Variants in EYS observed in about 807,000 individuals in gnomAD.
EYS encodes the protein protein eyes shut homolog.
In EYS, 250 loss-of-function variants were observed where a neutral mutation model predicts 282.1. That is an observed-to-expected ratio of 0.89 (90% CI 0.80 to 0.98). The LOEUF is 0.98. EYS is among the 50% of genes least tolerant of loss of function. The pLI is 0.00. For missense variants in EYS, 4,016 were observed against 3,709.0 expected, an observed-to-expected ratio of 1.08 and a Z score of -2.15; for synonymous variants, 1,355 against 1,282.9, an observed-to-expected ratio of 1.06 and a Z score of -1.20.
chr6:65,217,112 G>A (rs752092252), intron 12 of EYS, among the ~76,000 whole-genome samples: 30 of 152,112 alleles, frequency 2.0e-4, no homozygotes, highest in Non-Finnish European at 3.1e-4. Flanking sequence ...TAGTGTATCC[G>A]ATCAGGAGAT....
chr6:63,779,618 T>A (rs547027465), intron 39 of EYS, among the ~76,000 whole-genome samples: 253 of 152,282 alleles, frequency 1.7e-3, no homozygotes, highest in African/African-American at 5.8e-3. Flanking sequence ...ACTTATAGTT[T>A]ATTTGCAAAG....
chr6:64,537,262 G>T (rs999761949), intron 26 of EYS, among the ~76,000 whole-genome samples: 10 of 145,764 alleles, frequency 6.9e-5, no homozygotes, highest in Non-Finnish European at 1.5e-4. Flanking sequence ...GCGGTGTTTG[G>T]TTTTTTGTTC....
intron 26 of EYS, among the ~76,000 whole-genome samples, chr6:64,508,551 TTTA>T (rs34222008): frequency 0.037 from 5,265 of 142,430 alleles, 112 homozygotes; most frequent in East Asian, 0.048. Flanking sequence ...TTTCTAAGTA[TTTA>T]TTATTATTAT....
intron 19 of EYS, among the ~76,000 whole-genome samples, chr6:64,872,039 G>A (rs1360984678): frequency 6.6e-6 from 1 of 151,988 alleles, no homozygotes; most frequent in Non-Finnish European, 1.5e-5. Context: ...ATTAAAGATG[G>A]AGAATCTTGT....
intron 37 of EYS, among the ~76,000 whole-genome samples, chr6:63,789,821 C>G (rs1006755356): frequency 6.6e-6 from 1 of 152,130 alleles, no homozygotes; most frequent in Non-Finnish European, 1.5e-5. Context: ...GTTCCAGGAC[C>G]CAGAACACTC....
At chr6:64,074,206 G>T (rs1178279064) in intron 32 of EYS, among the ~76,000 whole-genome samples, 4 of 151,704 alleles carry the variant, frequency 2.6e-5, no homozygotes, top group African/African-American at 7.2e-5. Context: ...GCATAAAAGT[G>T]CTGCTTAGAA....
chr6:65,667,537 C>G (rs1025978475), intron 1 of EYS, among the ~76,000 whole-genome samples: 1 of 151,834 alleles, frequency 6.6e-6, no homozygotes, highest in Non-Finnish European at 1.5e-5. Context: ...AGTGACGCCT[C>G]TTTTCAGAGG....
At chr6:63,950,254 C>G (rs1307933981) in intron 35 of EYS, among the ~76,000 whole-genome samples, 1 of 150,030 alleles carries the variant, frequency 6.7e-6, no homozygotes, top group African/African-American at 2.4e-5. Context: ...CAAGCCTGCA[C>G]ACAGATGTCC....
intron 22 of EYS, among the ~76,000 whole-genome samples, chr6:64,789,261 C>T (rs906894056): frequency 1.3e-5 from 2 of 152,158 alleles, no homozygotes; most frequent in Non-Finnish European, 2.9e-5. Flanking sequence ...TTCTAAACTG[C>T]TTCGTAATGC....
rs1490884549 is a variant in EYS, at chr6:65,690,498, C to A, written c.-448+16637G>T. ...TAGGAATCTTGGTGATGTGAAACCT[C>A]CCTGACTGCACGTCCATTCATAGGC... On this transcript the variant is annotated intron_variant, in intron 1 of 42. Coordinates refer to ENST00000503581, the MANE Select transcript of EYS (RefSeq NM_001142800.2). Among the ~76,000 whole-genome samples, 2 of 150,060 alleles carry A rather than the reference C, an allele frequency of 1.3e-5. 1 individual carries two copies. Among genetic ancestry groups the A allele is most frequent in the East Asian group, 4.6e-4 (2 of 4,318 alleles).
At chr6:65,156,265 G>C (rs1477535138) in intron 12 of EYS, among the ~76,000 whole-genome samples, 1 of 151,160 alleles carries the variant, frequency 6.6e-6, no homozygotes, top group Non-Finnish European at 1.5e-5. Flanking sequence ...AAGACCCAGA[G>C]TACTTTTCAT....
chr6:64,939,391 C>T (rs1769015133), intron 15 of EYS, among the ~76,000 whole-genome samples: 1 of 151,776 alleles, frequency 6.6e-6, no homozygotes, highest in African/African-American at 2.4e-5. Flanking sequence ...AACATTTATA[C>T]ATTTAAATCA....
At chr6:63,945,373 G>A (rs369631350) in intron 35 of EYS, among the ~76,000 whole-genome samples, 2 of 151,918 alleles carry the variant, frequency 1.3e-5, no homozygotes, top group East Asian at 3.9e-4. Flanking sequence ...ACCTCCCGCC[G>A]GTCCCCTCCC....
chr6:65,531,572 G>A (rs1767770556), intron 2 of EYS, among the ~76,000 whole-genome samples: 1 of 152,098 alleles, frequency 6.6e-6, no homozygotes. Context: ...ATGCACATAG[G>A]AGCCTTTGTT....
intron 8 of EYS, among the ~76,000 whole-genome samples, chr6:65,379,739 T>A (rs1582214286): frequency 6.6e-6 from 1 of 152,108 alleles, no homozygotes; most frequent in East Asian, 1.9e-4. Flanking sequence ...GTCCAACAAC[T>A]CCTTAAGCTG....
At chr6:64,691,470 C>G (rs74340999) in intron 22 of EYS, among the ~76,000 whole-genome samples, 4,334 of 152,134 alleles carry the variant, frequency 0.028, 124 homozygotes, top group East Asian at 0.14. Context: ...TTTTTATATG[C>G]AACAGAAACA....
intron 18 of EYS, among the ~76,000 whole-genome samples, chr6:64,888,695 C>T (rs1767175922): frequency 6.6e-6 from 1 of 151,916 alleles, no homozygotes; most frequent in Non-Finnish European, 1.5e-5. Context: ...TGTTTTTCTC[C>T]ATTGTATTCA....
At chr6:64,016,370 C>T (rs1031025833) in intron 33 of EYS, among the ~76,000 whole-genome samples, 22 of 152,048 alleles carry the variant, frequency 1.4e-4, no homozygotes, top group Admixed American at 6.5e-4. Context: ...AATTGAGGCA[C>T]CTAGGGGTTA....
chr6:64,831,449 C>A (rs1765214023), intron 19 of EYS, among the ~76,000 whole-genome samples: 1 of 151,896 alleles, frequency 6.6e-6, no homozygotes, highest in Non-Finnish European at 1.5e-5. Context: ...CTCCAAGGAA[C>A]TTTTACTGAT....
Sources: gnomAD v4.1 joint callset for allele counts (sites outside exome capture counted in the v4.1 genomes callset) on GRCh38, gnomAD v4.1.1 for gene constraint, MANE v1.5 for transcripts, NCBI Gene and HGNC (gene_info 2026-07-23, HGNC 2026-07-21) for gene names.